The following MDGA2 variants were observed in gnomAD, a reference collection of about 807,000 sequenced individuals.
MDGA2 encodes the protein MAM domain-containing glycosylphosphatidylinositol anchor protein 2.
MDGA2 carries 40 observed loss-of-function variants against 117.8 expected under a neutral mutation model. The observed-to-expected ratio is 0.34, with a 90% CI of 0.26 to 0.44. MDGA2 has a LOEUF of 0.44. Ranked by LOEUF, MDGA2 falls within the 20% of genes least tolerant of loss-of-function variation. The pLI is 1.00. For missense variants in MDGA2, 1,123 were observed against 1,250.6 expected (o/e 0.90, Z 1.54); for synonymous variants, 452 against 439.0 (o/e 1.03, Z -0.37).
At position 46,873,496 on chromosome 14, in the gene MDGA2, A is replaced by G. The variant is rs1477625790; in HGVS notation, c.2689T>C (p.Tyr897His). 2 of 1,612,604 alleles carry G rather than the reference A, an allele frequency of 1.2e-6. No individual in the cohort carries two copies. The highest frequency in any genetic ancestry group is 2.7e-5 in the African/African-American group (2 of 74,894). ...PVFSIAPKNP[Y>H]GPTNTAYCFS... ...CAATATGCAGTGTTTGTGGGTCCATAAGGGTTTTTGGGAGCTATGCTGAAA... is the reference window on the plus strand; with the variant it reads ...CAATATGCAGTGTTTGTGGGTCCATGAGGGTTTTTGGGAGCTATGCTGAAA... Residue 897 changes from tyrosine (Y) to histidine (H), a missense_variant, in exon 14 of 17, where the codon TAT becomes CAT. This residue lies in a region of MDGA2 where 890 missense variants were observed against 1,050.3 expected (regional missense o/e 0.85). Coordinates refer to ENST00000399232, the MANE Select transcript of MDGA2 (RefSeq NM_001113498.3).
At chr14:47,598,656 C>G (rs530340112) in intron 1 of MDGA2, among the ~76,000 whole-genome samples, 2 of 152,008 alleles carry the variant, frequency 1.3e-5, no homozygotes, top group East Asian at 3.9e-4. Context: ...TAGAGATAAC[C>G]AAAGGCTAGG....
chr14:47,117,623 C>T (rs942854950), intron 5 of MDGA2, among the ~76,000 whole-genome samples: 9 of 152,062 alleles, frequency 5.9e-5, no homozygotes, highest in Admixed American at 2.0e-4. Flanking sequence ...GCCTTCAGAA[C>T]ATTATGCTAA....
chr14:47,311,995 CTTA>C (rs1889651111), intron 1 of MDGA2, among the ~76,000 whole-genome samples: 1 of 152,064 alleles, frequency 6.6e-6, no homozygotes, highest in Admixed American at 6.6e-5. Flanking sequence ...AAAAGATACT[CTTA>C]TTAAGTTAAT....
At chr14:47,415,290 T>C (rs984173744) in intron 1 of MDGA2, among the ~76,000 whole-genome samples, 1 of 152,178 alleles carries the variant, frequency 6.6e-6, no homozygotes, top group African/African-American at 2.4e-5. Flanking sequence ...CAATAAACAC[T>C]AGCAATATTC....
chr14:47,004,267 G>T, intron 8 of MDGA2, among the ~76,000 whole-genome samples: 1 of 151,708 alleles, frequency 6.6e-6, no homozygotes, highest in East Asian at 1.9e-4. Context: ...TAGATCAATA[G>T]GTGGACCAAA....
At chr14:47,085,976 A>T (rs1381835547) in intron 6 of MDGA2, among the ~76,000 whole-genome samples, 5 of 152,096 alleles carry the variant, frequency 3.3e-5, no homozygotes, top group Admixed American at 2.0e-4. Context: ...AATGCTTTTA[A>T]ATTAATTACC....
intron 1 of MDGA2, among the ~76,000 whole-genome samples, chr14:47,664,612 G>A (rs934900128): frequency 3.9e-5 from 6 of 152,244 alleles, no homozygotes; most frequent in Non-Finnish European, 8.8e-5. Context: ...GAAAGCCCAC[G>A]TTACCCAACA....
At position 47,522,110 on chromosome 14, in the gene MDGA2, C is replaced by T. The variant is rs1894879736; in HGVS notation, c.280+152407G>A. Among the ~76,000 whole-genome samples the T allele has an allele frequency of 3.3e-5, 5 of 152,076 alleles. 1 individual carries two copies. The South Asian group carries it at 1.0e-3, about 32-fold the overall frequency. Reference sequence around the variant, plus strand: ...TTTCTATTTCTCCTTATTTTAAATACTCCACTGAACTAAAATTAAACACAT... The same window carrying T: ...TTTCTATTTCTCCTTATTTTAAATATTCCACTGAACTAAAATTAAACACAT... On this transcript the variant is annotated intron_variant, in intron 1 of 16. Transcript: ENST00000399232.
chr14:47,482,807 G>A (rs182999598), intron 1 of MDGA2, among the ~76,000 whole-genome samples: 179 of 151,348 alleles, frequency 1.2e-3, no homozygotes, highest in Non-Finnish European at 2.1e-3. Context: ...TAGCAGAGGT[G>A]ATAAAAATTC....
At chr14:47,042,136 C>T (rs11847826) in intron 7 of MDGA2, among the ~76,000 whole-genome samples, 3,023 of 151,914 alleles carry the variant, frequency 0.02, 103 homozygotes, top group African/African-American at 0.068. Flanking sequence ...AATGTATAGT[C>T]TATATTTAAC....
intron 1 of MDGA2, among the ~76,000 whole-genome samples, chr14:47,643,170 A>G (rs1897461592): frequency 6.6e-6 from 1 of 152,126 alleles, no homozygotes; most frequent in African/African-American, 2.4e-5. Context: ...AGCCAAATAC[A>G]TAACAGGTTC....
At chr14:47,275,205 G>A (rs574056051) in intron 2 of MDGA2, among the ~76,000 whole-genome samples, 2 of 152,250 alleles carry the variant, frequency 1.3e-5, no homozygotes, top group Admixed American at 6.5e-5. Context: ...CCAGACAGAC[G>A]TTAGCGAACA....
In MDGA2 at chr14:46,870,439, A is replaced by C. The variant is rs939111121; in HGVS notation, c.2752+2994T>G. Reference sequence around the variant, plus strand: ...TAAATGCCTCCTGAGTTTACAGATGAATGAAAGTCCGAAAATAATATATGC... The same window carrying C: ...TAAATGCCTCCTGAGTTTACAGATGCATGAAAGTCCGAAAATAATATATGC... On this transcript the variant is annotated intron_variant, in intron 14 of 16. Coordinates refer to ENST00000399232, the MANE Select transcript of MDGA2 (RefSeq NM_001113498.3). Among the ~76,000 whole-genome samples, 63 of 152,002 alleles carry C rather than the reference A, an allele frequency of 4.1e-4. 4 individuals are homozygous for C. Among genetic ancestry groups the C allele is most frequent in the Non-Finnish European group, 1.5e-5 (1 of 67,960 alleles).
At chr14:47,418,515 T>A (rs1045268202) in intron 1 of MDGA2, among the ~76,000 whole-genome samples, 2 of 152,164 alleles carry the variant, frequency 1.3e-5, no homozygotes, top group African/African-American at 4.8e-5. Context: ...TTAGTGGAAG[T>A]AGCAAACAAG....
chr14:47,529,454 C>A (rs9323142), intron 1 of MDGA2, among the ~76,000 whole-genome samples: 43,156 of 151,820 alleles, frequency 0.28, 7,017 homozygotes, highest in African/African-American at 0.43. Flanking sequence ...TGAAGTATCC[C>A]CCCCCTCAGG....
At chr14:47,208,285 T>C (rs1226409600) in intron 3 of MDGA2, among the ~76,000 whole-genome samples, 4 of 152,156 alleles carry the variant, frequency 2.6e-5, no homozygotes, top group Admixed American at 2.0e-4. Flanking sequence ...GAAACTGTTA[T>C]AAATTTAAAT....
intron 9 of MDGA2, among the ~76,000 whole-genome samples, chr14:46,937,741 T>A (rs2138570747): frequency 6.6e-6 from 1 of 152,270 alleles, no homozygotes; most frequent in East Asian, 1.9e-4. Context: ...GAAAACTAGA[T>A]ATCCATATGC....
intron 1 of MDGA2, among the ~76,000 whole-genome samples, chr14:47,530,213 G>C (rs1895066908): frequency 6.6e-6 from 1 of 152,120 alleles, no homozygotes; most frequent in South Asian, 2.1e-4. Context: ...ATATGGATAA[G>C]ATAGGGCTAT....
chr14:47,308,243 A>G (rs955116801), intron 1 of MDGA2, among the ~76,000 whole-genome samples: 2 of 152,162 alleles, frequency 1.3e-5, no homozygotes, highest in African/African-American at 2.4e-5. Context: ...TAAAACCGCT[A>G]TTTAGGCTTA....
Sources: allele counts gnomAD v4.1 joint callset (sites outside exome capture counted in the v4.1 genomes callset), GRCh38; gene constraint gnomAD v4.1.1; regional missense constraint gnomAD v4.1.1; transcripts MANE v1.5; gene names NCBI Gene and HGNC (gene_info 2026-07-23, HGNC 2026-07-21).